The following RP1 variants were observed in gnomAD, a reference collection of about 807,000 sequenced individuals.
RP1 encodes oxygen-regulated protein 1.
In RP1, 16 loss-of-function variants were observed where a neutral mutation model predicts 14.8. That is an observed-to-expected ratio of 1.08 (90% CI 0.73 to 1.65). RP1 has a LOEUF of 1.65. Among genes scored for constraint, RP1 ranks in the 40% most tolerant of loss-of-function variants. The pLI is 0.00. For missense variants in RP1, 2,631 were observed against 2,535.0 expected, an observed-to-expected ratio of 1.04 and a Z score of -0.81; for synonymous variants, 876 against 883.6, an observed-to-expected ratio of 0.99 and a Z score of 0.15.
intron 26 of RP1, chr8:54,856,892 T>TA (rs1210374359): frequency 8.9e-6 from 3 of 338,370 alleles, no homozygotes; most frequent in Middle Eastern, 1.6e-3. Context: ...ACTTTGCACA[T>TA]AAAATAGTAA....
At chr8:54,691,278 G>C (rs1208359131) in intron 12 of RP1, among the ~76,000 whole-genome samples, 4 of 152,024 alleles carry the variant, frequency 2.6e-5, no homozygotes, top group Non-Finnish European at 5.9e-5. Context: ...TTTCTAGCAA[G>C]CAAAATTGGC....
At chr8:54,852,632 T>G in exon 26 of RP1, 5 of 1,231,920 alleles carry the variant, frequency 4.1e-6, no homozygotes, top group Non-Finnish European at 5.1e-6. Flanking sequence ...AAACAGAGTC[T>G]AATGTATTTA....
At chr8:54,765,851 A>G (rs1482316190) in intron 22 of RP1, among the ~76,000 whole-genome samples, 2 of 152,170 alleles carry the variant, frequency 1.3e-5, no homozygotes, top group Non-Finnish European at 2.9e-5. Flanking sequence ...TTGCCAGACA[A>G]TGCACTGCCA....
intron 1 of RP1, among the ~76,000 whole-genome samples, chr8:54,565,738 C>T (rs983651483): frequency 8.5e-5 from 13 of 152,118 alleles, no homozygotes; most frequent in African/African-American, 2.7e-4. Flanking sequence ...TCTGACTGGC[C>T]TGGTCTCTCA....
In RP1 at chr8:54,827,779, T is replaced by G. The variant is rs564793585; in HGVS notation, c.3616-9671T>G. Among the ~76,000 whole-genome samples the G allele has an allele frequency of 2.6e-5, 4 of 152,034 alleles. No individual in the cohort carries two copies. The South Asian group carries it at 8.3e-4, about 32-fold the overall frequency. On this transcript the variant is annotated intron_variant, in intron 24 of 28. Transcript: ENST00000637698. ...CAGGCGTGGTGACAGGCGCTTGTAA[T>G]CTCAGCTACTCGGGAGGCTGAGGCG...
intron 8 of RP1, among the ~76,000 whole-genome samples, chr8:54,675,485 T>C (rs1262098997): frequency 6.6e-6 from 1 of 152,192 alleles, no homozygotes; most frequent in African/African-American, 2.4e-5. Context: ...CCTCGGTTGT[T>C]TGTACTTTGT....
At position 54,586,650 on chromosome 8, in the gene RP1, C is replaced by T. The variant is rs541173920; in HGVS notation, c.-13+27330C>T. The stretch of plus-strand genomic sequence containing the variant: ...TGAGGTGCTGTGGGCTCCACCCAGT[C>T]GAGCTTCCTGGCTGCTTTTTTACCT... On this transcript the variant is annotated intron_variant, in intron 1 of 22. Coordinates refer to the RP1 transcript ENST00000636932. Among the ~76,000 whole-genome samples, 428 of 152,322 alleles carry T rather than the reference C, an allele frequency of 2.8e-3. 5 individuals carry two copies. The highest frequency in any genetic ancestry group is 2.4e-3 in the Non-Finnish European group (161 of 68,034).
chr8:54,706,785 T>C (rs562913581), intron 15 of RP1: 5 of 886,466 alleles, frequency 5.6e-6, no homozygotes, highest in Non-Finnish European at 8.6e-6. Flanking sequence ...TGACTGGTAT[T>C]TTTAATAAGT....
intron 1 of RP1, among the ~76,000 whole-genome samples, chr8:54,601,605 A>G (rs894447260): frequency 6.6e-6 from 1 of 151,938 alleles, no homozygotes; most frequent in African/African-American, 2.4e-5. Flanking sequence ...TTAGAAAAAA[A>G]AAAAAAAGAA....
intron 3 of RP1, among the ~76,000 whole-genome samples, chr8:54,638,736 G>A (rs1332385578): frequency 5.3e-5 from 8 of 151,998 alleles, no homozygotes; most frequent in Non-Finnish European, 7.4e-5. Context: ...TTCAGTACCC[G>A]TATCCTTTAG....
At chr8:54,684,200 T>C (rs1357055834) in intron 12 of RP1, among the ~76,000 whole-genome samples, 1 of 152,150 alleles carries the variant, frequency 6.6e-6, no homozygotes, top group Non-Finnish European at 1.5e-5. Context: ...GATGTGCTGT[T>C]GTATCTGTTT....
At chr8:54,726,574 T>C (rs1299477623) in intron 17 of RP1, 1 of 1,288,176 alleles carries the variant, frequency 7.8e-7, no homozygotes, top group African/African-American at 1.5e-5. Flanking sequence ...TTTTACAGCA[T>C]ATATTATGTT....
chr8:54,782,259 C>T (rs1251783291), intron 23 of RP1, among the ~76,000 whole-genome samples: 1 of 152,140 alleles, frequency 6.6e-6, no homozygotes, highest in Non-Finnish European at 1.5e-5. Flanking sequence ...TCTGCTGCCC[C>T]TTTGGCTTTC....
intron 24 of RP1, among the ~76,000 whole-genome samples, chr8:54,802,920 G>A (rs1810748658): frequency 6.6e-6 from 1 of 152,098 alleles, no homozygotes; most frequent in South Asian, 2.1e-4. Context: ...CTGGGATCAG[G>A]GTGTGCTGGA....
At chr8:54,670,995 A>G (rs1807168077) in intron 7 of RP1, among the ~76,000 whole-genome samples, 1 of 151,844 alleles carries the variant, frequency 6.6e-6, no homozygotes, top group Non-Finnish European at 1.5e-5. Flanking sequence ...TTTCAACTTG[A>G]AGGACTTCCT....
chr8:54,732,797 C>T (rs75156867), intron 17 of RP1, among the ~76,000 whole-genome samples: 5,753 of 152,180 alleles, frequency 0.038, 246 homozygotes, highest in African/African-American at 0.095. Context: ...TTAGATCATG[C>T]CATAAAATTT....
At chr8:54,789,710 C>A (rs1329017158) in intron 24 of RP1, among the ~76,000 whole-genome samples, 1 of 152,170 alleles carries the variant, frequency 6.6e-6, no homozygotes, top group African/African-American at 2.4e-5. Context: ...GCAAACCCAC[C>A]TAATCGTGGA....
chr8:54,620,829 A>T, intron 1 of RP1, 126 bp from the exon 2 acceptor site: 2 of 942,830 alleles, frequency 2.1e-6, no homozygotes, highest in South Asian at 1.5e-5. Flanking sequence ...ATGAATGAAT[A>T]AATGAATGAA....
rs148826599 is a variant in RP1 at position 54,675,605 on chromosome 8, C to T, written c.1402+1677C>T. ...TATATTTCCCCAAACAAGCCACATT[C>T]TCTGACTACAATTTAGTAAAACAAA... On this transcript the variant is annotated intron_variant, in intron 8 of 22. Transcript: ENST00000636932. 2.0e-3 allele frequency among the ~76,000 whole-genome samples: 301 copies of T among 152,236 alleles called. 5 individuals are homozygous for T. Among genetic ancestry groups the T allele is most frequent in the Middle Eastern group, 6.8e-3 (2 of 294 alleles).
Sources: allele counts gnomAD v4.1 joint callset (sites outside exome capture counted in the v4.1 genomes callset), GRCh38; gene constraint gnomAD v4.1.1; transcripts MANE v1.5; gene names NCBI Gene and HGNC (gene_info 2026-07-23, HGNC 2026-07-21).